Variants in ASIC4 observed in about 807,000 individuals in gnomAD.
ASIC4 encodes the protein acid sensing ion channel subunit family member 4, also known as acid-sensing ion channel 4.
Under a neutral mutation model 53.4 loss-of-function variants are expected in ASIC4, and 28 were observed. The observed-to-expected ratio is 0.52, with a 90% CI of 0.39 to 0.72. The LOEUF is 0.72. Ranked by LOEUF, ASIC4 falls within the 30% of genes least tolerant of loss-of-function variation. The pLI is 0.00. For missense variants in ASIC4, 649 were observed against 729.7 expected, an observed-to-expected ratio of 0.89 and a Z score of 1.27; for synonymous variants, 289 against 301.4, an observed-to-expected ratio of 0.96 and a Z score of 0.43.
At chr2:219,535,055 C>A in intron 5 of ASIC4, 116 bp from the exon 6 acceptor site, 1 of 1,432,348 alleles carries the variant, frequency 7.0e-7, no homozygotes. Context: ...CCAGTAAAGG[C>A]CCTCAGTGTG....
chr2:219,528,539 G>T (rs570865298), intron 1 of ASIC4, among the ~76,000 whole-genome samples: 43 of 149,870 alleles, frequency 2.9e-4, no homozygotes, highest in African/African-American at 1.0e-3. Context: ...TTTTGTTGTT[G>T]TTGTTGTTGT....
At chr2:219,511,448 C>A (rs1231706413), upstream of ASIC4, among the ~76,000 whole-genome samples, 2 of 151,810 alleles carry the variant, frequency 1.3e-5, no homozygotes, top group African/African-American at 4.8e-5. This position sits in a 1 kb window ranked among gnomAD's most constrained non-coding sequence, Gnocchi z 5.3. Flanking sequence ...ATCTACCACT[C>A]ATTCTCACTG....
rs763486542 is a variant in ASIC4 at position 219,537,355 on chromosome 2, G to C, written c.1401+34G>C. 8.6e-5 allele frequency: 137 copies of C among 1,595,556 alleles called. No homozygotes were observed. The highest frequency in any genetic ancestry group is 9.1e-5 in the Non-Finnish European group (107 of 1,170,804). On this transcript the variant is annotated intron_variant, in intron 8 of 9. Transcript: ENST00000358078. The surrounding 1 kb of genome is among the most constrained non-coding windows in gnomAD (Gnocchi z 4.9). The stretch of plus-strand genomic sequence containing the variant: ...CCTGGAGAAGGCAGGGTGGGAGTGG[G>C]GGCCGTGGGCAAAGCAGAAGGGGGC...
chr2:219,508,252 CT>C, the ASIC4 span, among the ~76,000 whole-genome samples: 2 of 152,318 alleles, frequency 1.3e-5, no homozygotes, highest in Non-Finnish European at 2.9e-5. Flanking sequence ...CTCCTCCCCC[CT>C]AGTCCTGACC....
At chr2:219,510,008 C>T (rs996985291), upstream of ASIC4, among the ~76,000 whole-genome samples, 6 of 151,932 alleles carry the variant, frequency 3.9e-5, no homozygotes, top group East Asian at 3.9e-4. This position sits in a 1 kb window ranked among gnomAD's most constrained non-coding sequence, Gnocchi z 5.2. Context: ...GGGGCGGGGG[C>T]TCTGTCAATG....
At chr2:219,527,717 C>T (rs1488086134) in intron 1 of ASIC4, among the ~76,000 whole-genome samples, 1 of 152,162 alleles carries the variant, frequency 6.6e-6, no homozygotes, top group Non-Finnish European at 1.5e-5. Flanking sequence ...TAAATGGGGG[C>T]AAAAATACTT....
chr2:219,514,128 G>A (rs1036690672), upstream of ASIC4: 6 of 589,034 alleles, frequency 1.0e-5, no homozygotes, highest in Admixed American at 3.4e-5. Context: ...CCCTGGGCAC[G>A]GCACCCTTCC....
intron 5 of ASIC4, among the ~76,000 whole-genome samples, chr2:219,534,581 G>A (rs555915394): frequency 6.6e-6 from 1 of 152,310 alleles, no homozygotes; most frequent in Non-Finnish European, 1.5e-5. Flanking sequence ...TGAACCCAAA[G>A]CCAGAGGACA....
the ASIC4 span, among the ~76,000 whole-genome samples, chr2:219,507,429 C>T: frequency 6.6e-6 from 1 of 152,226 alleles, no homozygotes; most frequent in African/African-American, 2.4e-5. Flanking sequence ...CTGCTCCCAG[C>T]TTGGCTTTTG....
rs760061162 is a variant in ASIC4 at position 219,538,092 on chromosome 2, G to A, written c.*46G>A. 6.1e-6 allele frequency: 9 copies of A among 1,482,874 alleles called. No individual in the cohort carries two copies. Among genetic ancestry groups the A allele is most frequent in the Non-Finnish European group, 8.4e-6 (9 of 1,076,088 alleles). 91.9% of individuals were successfully genotyped at this position (1,482,874 alleles called of 1,614,324 possible). A position where few individuals can be genotyped will look rare whatever the true frequency, so the allele number is the denominator to read the frequency against. On this transcript the variant is annotated 3_prime_UTR_variant, in exon 10 of 10. Transcript: ENST00000358078. ...GACCCAGGAGTCTGGGACCCCTCCTGGGATCCCCAGCACATTCTCCTGCTC... is the reference window on the plus strand; with the variant it reads ...GACCCAGGAGTCTGGGACCCCTCCTAGGATCCCCAGCACATTCTCCTGCTC...
chr2:219,537,496 G>A lies in ASIC4; in HGVS notation c.1402-136G>A, dbSNP rs1197715285. ...GCTCAGAGTCAGGAGAAGGGGATGG[G>A]TGAGGAGGAGGAGGGTGTCCTACTG... On this transcript the variant is annotated intron_variant, in intron 8 of 9. Coordinates refer to ENST00000358078, the MANE Select transcript of ASIC4 (RefSeq NM_018674.6). The surrounding 1 kb of genome is among the most constrained non-coding windows in gnomAD (Gnocchi z 4.9). 2 of 1,030,970 alleles carry A rather than the reference G, an allele frequency of 1.9e-6. No homozygotes were observed. Among genetic ancestry groups the A allele is most frequent in the Non-Finnish European group, 2.9e-6 (2 of 697,310 alleles). 63.9% of individuals were successfully genotyped at this position (1,030,970 alleles called of 1,614,324 possible). A position where few individuals can be genotyped will look rare whatever the true frequency, so the allele number is the denominator to read the frequency against.
Position 219,532,401 on chromosome 2 carries a change from T to A in ASIC4, c.942T>A (p.Ser314Arg). Residue 314 changes from serine (S) to arginine (R), a missense_variant, in exon 4 of 10, where the codon AGT becomes AGA. Ser to Arg is a moderately radical substitution (Grantham distance 110). Coordinates refer to ENST00000358078, the MANE Select transcript of ASIC4 (RefSeq NM_018674.6). ...EPELQGYSAY[S>R]VSACRLRCEK... Reference sequence around the variant, plus strand: ...AGCTTCAGGGCTACTCGGCCTACAGTGTGTCTGCCTGCCGGCTGCGCTGTG... The same window carrying A: ...AGCTTCAGGGCTACTCGGCCTACAGAGTGTCTGCCTGCCGGCTGCGCTGTG... 2 of 1,614,028 alleles carry A rather than the reference T, an allele frequency of 1.2e-6. No homozygotes were observed. Among genetic ancestry groups the A allele is most frequent in the Non-Finnish European group, 1.7e-6 (2 of 1,179,972 alleles).
upstream of ASIC4, chr2:219,514,476 A>ACGATCGAGGAGAGAGACAAG: frequency 1.3e-6 from 2 of 1,550,436 alleles, no homozygotes; most frequent in Non-Finnish European, 1.7e-6. Context: ...CCACAAGGAG[A>ACGATCGAGGAGAGAGACAAG]CGATCGAGGA....
At chr2:219,522,917 T>C (rs983042448) in intron 1 of ASIC4, among the ~76,000 whole-genome samples, 1 of 151,802 alleles carries the variant, frequency 6.6e-6, no homozygotes, top group Non-Finnish European at 1.5e-5. Context: ...GGAGCCGTGA[T>C]GGATGCCTGG....
intron 1 of ASIC4, among the ~76,000 whole-genome samples, chr2:219,522,403 G>T (rs1023630140): frequency 6.6e-6 from 1 of 151,242 alleles, no homozygotes; most frequent in African/African-American, 2.4e-5. Context: ...GGTGGGGGCT[G>T]GGCAGGTCCC....
chr2:219,508,251 C>G, the ASIC4 span, among the ~76,000 whole-genome samples: 3 of 152,154 alleles, frequency 2.0e-5, no homozygotes, highest in Admixed American at 6.5e-5. Context: ...TCTCCTCCCC[C>G]CTAGTCCTGA....
rs56660878 is a variant in ASIC4, at chr2:219,520,055, C to T, written c.582+4749C>T. The stretch of plus-strand genomic sequence containing the variant: ...AGGAGGCATGGGTAGGAGCCAGCCC[C>T]ACTCCTCAGGGTCCTCAAGGGTCCA... On this transcript the variant is annotated intron_variant, in intron 1 of 9. Transcript: ENST00000358078. Among the ~76,000 whole-genome samples the T allele has an allele frequency of 3.9e-3, 597 of 152,116 alleles. 2 individuals carry two copies. The highest frequency in any genetic ancestry group is 0.014 in the African/African-American group (572 of 41,462).
intron 3 of ASIC4, 82 bp from the exon 4 acceptor site, chr2:219,532,233 G>A (rs1695053818): frequency 2.5e-6 from 4 of 1,597,730 alleles, no homozygotes; most frequent in Non-Finnish European, 3.4e-6. Context: ...CCTGCCAGCT[G>A]TGTTGACTTT....
At chr2:219,510,554 C>G (rs1694687682), upstream of ASIC4, among the ~76,000 whole-genome samples, 2 of 152,148 alleles carry the variant, frequency 1.3e-5, no homozygotes, top group Admixed American at 1.3e-4. The surrounding 1 kb of genome is among the most constrained non-coding windows in gnomAD (Gnocchi z 5.2). Context: ...CAGGATTTTT[C>G]ATCTTCCTGC....
Sources: allele counts gnomAD v4.1 joint callset (sites outside exome capture counted in the v4.1 genomes callset), GRCh38; gene constraint gnomAD v4.1.1; non-coding constraint Gnocchi (gnomAD v3.1); transcripts MANE v1.5; gene names NCBI Gene and HGNC (gene_info 2026-07-23, HGNC 2026-07-21).